The following DMD variants were observed in gnomAD, a reference collection of about 807,000 sequenced individuals.
The protein encoded by DMD is dystrophin.
Under a neutral mutation model 330.1 loss-of-function variants are expected in DMD, and 63 were observed. That is an observed-to-expected ratio of 0.19 (90% CI 0.16 to 0.24). The LOEUF (loss-of-function observed/expected upper bound fraction) is 0.24. DMD is among the 10% of genes least tolerant of loss of function. DMD has a pLI of 1.00. For synonymous variants in DMD, 1,223 were observed against 959.8 expected (o/e 1.27, Z -5.07); for missense variants, 3,344 against 2,684.1 (o/e 1.25, Z -5.43).
chrX:33,282,013 A>G (rs192020685), intron 1 of DMD, among the ~76,000 whole-genome samples: 6 of 109,911 alleles, frequency 5.5e-5, no homozygotes, highest in South Asian at 4.0e-4. Context: ...AGCTGCTCCA[A>G]TGTCTCTGGG....
Position 31,913,321 on chromosome X carries a change from T to TA in DMD, c.6912+16274dup, listed in dbSNP as rs1442183951. On this transcript the variant is annotated intron_variant, in intron 47 of 78. Coordinates refer to ENST00000357033, the MANE Select transcript of DMD (RefSeq NM_004006.3). Reference sequence around the variant, plus strand: ...ACATGTCGAACTAACTATACAGGATTAAAAAAAACAGCTTCTCAAAGTGAA... The same window carrying TA: ...ACATGTCGAACTAACTATACAGGATTAAAAAAAAACAGCTTCTCAAAGTGAA... Among the ~76,000 whole-genome samples the TA allele has an allele frequency of 3.6e-5, 4 of 111,703 alleles. No individual in the cohort carries two copies. The South Asian group carries it at 1.1e-3, about 31-fold the overall frequency.
chrX:32,694,171 C>T (rs1016434726), intron 9 of DMD, among the ~76,000 whole-genome samples: 7 of 111,410 alleles, frequency 6.3e-5, no homozygotes, highest in African/African-American at 1.6e-4. Context: ...CCACCTTTTT[C>T]AGCCCCTTTG....
Position 31,565,124 on chromosome X carries a change from A to T in DMD, c.8218-57671T>A, listed in dbSNP as rs776755933. Among the ~76,000 whole-genome samples the T allele has an allele frequency of 2.7e-5, 3 of 112,148 alleles. No homozygotes were observed. In the South Asian group the frequency reaches 1.1e-3, roughly 42 times the overall value. The stretch of plus-strand genomic sequence containing the variant: ...AGTTGTGAGAAATAATACAGAGAAA[A>T]CCAGTATACCCCTGACCCCGTCTCC... On this transcript the variant is annotated intron_variant, in intron 55 of 78. Transcript: ENST00000357033.
At chrX:31,934,505 G>A (rs1018894780) in intron 45 of DMD, among the ~76,000 whole-genome samples, 4 of 111,661 alleles carry the variant, frequency 3.6e-5, no homozygotes, top group African/African-American at 9.8e-5. Flanking sequence ...GTAAGTGTAT[G>A]TACTTGTAGG....
chrX:32,968,369 C>T (rs967958754), intron 2 of DMD, among the ~76,000 whole-genome samples: 1 of 110,874 alleles, frequency 9.0e-6, no homozygotes, highest in Non-Finnish European at 1.9e-5. Flanking sequence ...AGAGATAGTT[C>T]TCACTTCAAT....
chrX:31,931,068 C>T (rs923624365), intron 46 of DMD, among the ~76,000 whole-genome samples: 1 of 111,914 alleles, frequency 8.9e-6, no homozygotes, highest in Non-Finnish European at 1.9e-5. Flanking sequence ...ACATTGGACT[C>T]TAATTTACAT....
chrX:31,632,767 C>G (rs947236263), intron 54 of DMD, among the ~76,000 whole-genome samples: 3 of 112,117 alleles, frequency 2.7e-5, no homozygotes, highest in African/African-American at 9.7e-5. Context: ...GTAACCATAA[C>G]AGTTCCTACT....
intron 61 of DMD, among the ~76,000 whole-genome samples, chrX:31,326,897 A>G (rs182572703): frequency 2.3e-3 from 253 of 112,199 alleles, no homozygotes; most frequent in Middle Eastern, 0.018. Context: ...TGCCAACAAC[A>G]GCTGTTTCTT....
At chrX:32,542,632 G>A (rs138416514) in intron 17 of DMD, among the ~76,000 whole-genome samples, 3,247 of 111,822 alleles carry the variant, frequency 0.029, 48 homozygotes, top group Non-Finnish European at 0.044. Flanking sequence ...AAATATTAGT[G>A]GGCTTCAGAT....
At chrX:31,362,358 G>C (rs1401667525) in intron 60 of DMD, among the ~76,000 whole-genome samples, 1 of 111,853 alleles carries the variant, frequency 8.9e-6, no homozygotes, top group African/African-American at 3.2e-5. Flanking sequence ...TCATGTGACA[G>C]GTCACAGTCA....
At chrX:32,483,428 ACAT>A (rs1222618145) in intron 21 of DMD, among the ~76,000 whole-genome samples, 22 of 107,665 alleles carry the variant, frequency 2.0e-4, no homozygotes, top group African/African-American at 3.7e-4. Flanking sequence ...TTATATTGTA[ACAT>A]CATAGACAAA....
chrX:31,209,727 G>A, intron 64 of DMD, 28 bp from the exon 65 acceptor site: 1 of 1,178,163 alleles, frequency 8.5e-7, no homozygotes, highest in Non-Finnish European at 1.2e-6. Context: ...AATCACAAAT[G>A]ACTCAAAGAG....
At chrX:32,769,426 C>T (rs945117197) in intron 7 of DMD, among the ~76,000 whole-genome samples, 3 of 111,591 alleles carry the variant, frequency 2.7e-5, no homozygotes, top group African/African-American at 6.5e-5. Flanking sequence ...TCCCAGAACA[C>T]GTGGGAATTC....
rs1026555212 is a variant in DMD, at chrX:32,746,832, G to C, written c.650-47539C>G. Among the ~76,000 whole-genome samples the C allele has an allele frequency of 5.0e-4, 56 of 111,121 alleles. 1 individual carries two copies. Among genetic ancestry groups the C allele is most frequent in the African/African-American group, 1.7e-3 (51 of 30,538 alleles). ...CTATTTAGCTTATCATTTTGTATCT[G>C]TTAACTAGCTTGTCCCTTTCCTCCC... On this transcript the variant is annotated intron_variant, in intron 7 of 78. Transcript: ENST00000357033.
At chrX:32,643,851 TG>T (rs2059623742) in intron 11 of DMD, among the ~76,000 whole-genome samples, 1 of 112,127 alleles carries the variant, frequency 8.9e-6, no homozygotes, top group African/African-American at 3.2e-5. Flanking sequence ...TTTTAATGTT[TG>T]GAGGAAAACC....
At chrX:32,465,582 GTTT>G (rs1191063866) in intron 23 of DMD, among the ~76,000 whole-genome samples, 1 of 76,661 alleles carries the variant, frequency 1.3e-5, no homozygotes, top group African/African-American at 5.0e-5. Context: ...TTTGTTTTTT[GTTT>G]TTTTTTTTTT....
chrX:33,302,336 A>C (rs1169011880), intron 1 of DMD, among the ~76,000 whole-genome samples: 1 of 111,468 alleles, frequency 9.0e-6, no homozygotes, highest in Admixed American at 9.6e-5. Context: ...GCTTTCAAAA[A>C]CCATTAGACT....
In DMD at chrX:31,120,842, T is replaced by C. The variant is rs1433063427; in HGVS notation, c.*1077A>G. ...GCATCATTAAATCTAAATCGTGGCA[T>C]TGCTAGCAGCAGGAAGCTGAATGTA... On this transcript the variant is annotated 3_prime_UTR_variant, in exon 79 of 79. Transcript: ENST00000357033. The C allele has an allele frequency of 1.9e-5, 2 of 105,084 alleles. No individual in the cohort carries two copies. Among genetic ancestry groups the C allele is most frequent in the Non-Finnish European group, 3.8e-5 (2 of 52,070 alleles). 8.7% of individuals were successfully genotyped at this position (105,084 alleles called of 1,213,427 possible).
At chrX:32,429,231 G>T (rs1350361550) in intron 29 of DMD, among the ~76,000 whole-genome samples, 1 of 76,870 alleles carries the variant, frequency 1.3e-5, no homozygotes, top group Non-Finnish European at 2.5e-5. Flanking sequence ...TTTTTTTGAG[G>T]CAGAGTTTTG....
Sources: gnomAD v4.1 joint callset for allele counts (sites outside exome capture counted in the v4.1 genomes callset) on GRCh38, gnomAD v4.1.1 for gene constraint, MANE v1.5 for transcripts, NCBI Gene and HGNC (gene_info 2026-07-23, HGNC 2026-07-21) for gene names.